SCML4: variants seen among roughly 807,000 people sequenced by gnomAD.
SCML4 encodes sex comb on midleg-like protein 4.
In SCML4, 34 loss-of-function variants were observed where a neutral mutation model predicts 41.1. That is an observed-to-expected ratio of 0.83 (90% CI 0.63 to 1.10). The LOEUF (loss-of-function observed/expected upper bound fraction) is 1.10, where lower values mean the gene tolerates loss of function less well. Ranked by LOEUF, SCML4 falls within the 50% of genes least tolerant of loss-of-function variation. SCML4 has a pLI of 0.00. For missense variants in SCML4, 522 were observed against 534.1 expected (o/e 0.98, Z 0.22); for synonymous variants, 214 against 220.9 (o/e 0.97, Z 0.28).
At chr6:107,768,258 T>G (rs2114561083) in intron 2 of SCML4, among the ~76,000 whole-genome samples, 1 of 152,272 alleles carries the variant, frequency 6.6e-6, no homozygotes, top group South Asian at 2.1e-4. Flanking sequence ...AGGAACAGCC[T>G]GGGTCCCCAC....
At chr6:107,716,754 T>C (rs1180181957) in intron 6 of SCML4, among the ~76,000 whole-genome samples, 2 of 152,194 alleles carry the variant, frequency 1.3e-5, no homozygotes, top group East Asian at 1.9e-4. Flanking sequence ...CTAACTTCCA[T>C]CTGGAATCAT....
At chr6:107,809,593 A>G (rs568054313) in intron 1 of SCML4, among the ~76,000 whole-genome samples, 9 of 152,230 alleles carry the variant, frequency 5.9e-5, no homozygotes, top group African/African-American at 1.7e-4. Flanking sequence ...GGGTAAGGAG[A>G]GTTTGGGATT....
At position 107,749,696 on chromosome 6, in the gene SCML4, G is replaced by T. The variant is rs201967131; in HGVS notation, c.274C>A (p.Gln92Lys). Residue 92 changes from glutamine to lysine, a missense_variant, in exon 3 of 8, where the codon CAG (glutamine) becomes AAG (lysine). Gln to Lys is a moderately conservative substitution (Grantham distance 53). Transcript: ENST00000369020. ...AATVPSLAAP[Q>K]ALTVCLYINK... ...TCTGCTGACCTACCTGTGAGAGCCT[G>T]TGGGGCCGCCAAGCTGGGGACCGTG... 6.2e-7 allele frequency: 1 copy of T among 1,613,990 alleles called. No homozygotes were observed. The highest frequency in any genetic ancestry group is 1.1e-5 in the South Asian group (1 of 91,064).
chr6:107,734,159 T>G (rs1443639797), intron 5 of SCML4, among the ~76,000 whole-genome samples: 2 of 152,118 alleles, frequency 1.3e-5, no homozygotes, highest in African/African-American at 4.8e-5. Flanking sequence ...TTTTATCTCC[T>G]CCACACCCCC....
At chr6:107,813,875 A>G (rs186222401) in intron 1 of SCML4, among the ~76,000 whole-genome samples, 1 of 152,296 alleles carries the variant, frequency 6.6e-6, no homozygotes, top group Admixed American at 6.5e-5. Flanking sequence ...TTCTTCACCC[A>G]TGTGTCTGAT....
chr6:107,726,377 C>CA lies in SCML4; in HGVS notation c.683-5385dup, dbSNP rs1775972408. On this transcript the variant is annotated intron_variant, in intron 5 of 7. Coordinates refer to ENST00000369020, the MANE Select transcript of SCML4 (RefSeq NM_198081.5). ...TGAAACCCCATCTCTACTAAAAATA[C>CA]AAAAAATTAGCCGGGCATGGTGGCA... 3.3e-5 allele frequency among the ~76,000 whole-genome samples: 5 copies of CA among 150,922 alleles called. No homozygotes were observed. The South Asian group carries it at 1.1e-3, about 32-fold the overall frequency.
At chr6:107,821,778 G>A (rs1364073016) in intron 1 of SCML4, among the ~76,000 whole-genome samples, 2 of 152,186 alleles carry the variant, frequency 1.3e-5, no homozygotes, top group African/African-American at 2.4e-5. Context: ...GGGACTTGGG[G>A]AGGAAAATTG....
chr6:107,842,148 A>G, the SCML4 span, among the ~76,000 whole-genome samples: 1 of 151,708 alleles, frequency 6.6e-6, no homozygotes, highest in Non-Finnish European at 1.5e-5. Context: ...TATTTTTTTC[A>G]TTTGTCTTGA....
At chr6:107,821,514 A>T (rs1258000897) in intron 1 of SCML4, among the ~76,000 whole-genome samples, 6 of 152,230 alleles carry the variant, frequency 3.9e-5, no homozygotes, top group Admixed American at 6.5e-5. Flanking sequence ...AATGTTAGAC[A>T]AGATTTTACG....
Position 107,801,931 on chromosome 6 carries a change from A to ATT in SCML4, c.-60+22193_-60+22194dup, listed in dbSNP as rs11287590. Among the ~76,000 whole-genome samples, 1,157 of 145,610 alleles carry ATT rather than the reference A, an allele frequency of 7.9e-3. 16 individuals are homozygous for ATT. Among genetic ancestry groups the ATT allele is most frequent in the African/African-American group, 0.027 (1,096 of 40,138 alleles). ...AGACACCCGCTACCACACCTGGCTA[A>ATT]TTTTTTTTTTTTTGTATTTTTAGTA... is the stretch of plus-strand genomic sequence containing the variant. On this transcript the variant is annotated intron_variant, in intron 1 of 7. Transcript: ENST00000369020.
upstream of SCML4, among the ~76,000 whole-genome samples, chr6:107,827,075 TA>T (rs927909980): frequency 3.5e-5 from 5 of 141,864 alleles, no homozygotes; most frequent in Non-Finnish European, 3.2e-5. Flanking sequence ...AAAATATATA[TA>T]TTTTTTATAT....
intron 1 of SCML4, among the ~76,000 whole-genome samples, chr6:107,796,697 T>C (rs1782742766): frequency 6.6e-6 from 1 of 152,218 alleles, no homozygotes; most frequent in Non-Finnish European, 1.5e-5. Flanking sequence ...TCTCTGCCCT[T>C]TCTAAGAAAT....
At chr6:107,776,341 A>T (rs1470834620) in intron 1 of SCML4, among the ~76,000 whole-genome samples, 1 of 152,204 alleles carries the variant, frequency 6.6e-6, no homozygotes, top group African/African-American at 2.4e-5. Context: ...AACTAATAGC[A>T]AAAACCGCAA....
the SCML4 span, among the ~76,000 whole-genome samples, chr6:107,830,654 C>T: frequency 6.6e-6 from 1 of 152,088 alleles, no homozygotes; most frequent in Non-Finnish European, 1.5e-5. Flanking sequence ...TGGGAGATCT[C>T]ATCTTAATCT....
At chr6:107,804,443 A>G (rs930262406) in intron 1 of SCML4, among the ~76,000 whole-genome samples, 2 of 152,146 alleles carry the variant, frequency 1.3e-5, no homozygotes, top group South Asian at 2.1e-4. Context: ...AGGGTGCCCA[A>G]AGGAGAGTCT....
the SCML4 span, among the ~76,000 whole-genome samples, chr6:107,833,113 A>G: frequency 3.3e-5 from 5 of 152,332 alleles, no homozygotes; most frequent in African/African-American, 1.2e-4. Context: ...TATCTGACAA[A>G]GGGGCTGCAG....
rs372132748 is a variant in SCML4 at position 107,782,293 on chromosome 6, G to T, written c.-59-9907C>A. 3.8e-4 allele frequency among the ~76,000 whole-genome samples: 58 copies of T among 152,272 alleles called. 2 individuals carry two copies. The South Asian group carries it at 9.7e-3, about 26-fold the overall frequency. The stretch of plus-strand genomic sequence containing the variant: ...TGGGGCCCACCAGTCTCCTCAGTTG[G>T]CACAGGAAGAGGAGGAAAGACTGCT... On this transcript the variant is annotated intron_variant, in intron 1 of 7. Transcript: ENST00000369020.
At chr6:107,751,608 T>TTCTCTCTCTCTCTCTCTCTC (rs1778655272) in intron 2 of SCML4, among the ~76,000 whole-genome samples, 1 of 145,300 alleles carries the variant, frequency 6.9e-6, no homozygotes, top group East Asian at 2.1e-4. Flanking sequence ...CTTTCTTTCT[T>TTCTCTCTCTCTCTCTCTCTC]TCTTTCTTTC....
chr6:107,751,075 C>T (rs1335693415), intron 2 of SCML4, among the ~76,000 whole-genome samples: 1 of 152,104 alleles, frequency 6.6e-6, no homozygotes. Context: ...CCAGCTGCTA[C>T]GGAAACAGCA....
Sources: gnomAD v4.1 joint callset for allele counts (sites outside exome capture counted in the v4.1 genomes callset) on GRCh38, gnomAD v4.1.1 for gene constraint, MANE v1.5 for transcripts, NCBI Gene and HGNC (gene_info 2026-07-23, HGNC 2026-07-21) for gene names.